Variants in PTPRQ observed in about 807,000 individuals in gnomAD.
PTPRQ encodes the protein protein tyrosine phosphatase receptor type Q.
In PTPRQ, 199 loss-of-function variants were observed where a neutral mutation model predicts 246.0. The observed-to-expected ratio is 0.81, with a 90% CI of 0.72 to 0.91. PTPRQ has a LOEUF of 0.91. Among genes scored for constraint, PTPRQ ranks in the 40% least tolerant of loss-of-function variants. The pLI, the probability that PTPRQ is intolerant of heterozygous loss-of-function variation, is 0.00. For synonymous variants in PTPRQ, 869 were observed against 853.2 expected (o/e 1.02, Z -0.32); for missense variants, 2,624 against 2,528.4 (o/e 1.04, Z -0.81).
At chr12:80,649,537 G>A (rs1162205582) in intron 36 of PTPRQ, 51 bp from the exon 37 acceptor site, 9 of 1,534,424 alleles carry the variant, frequency 5.9e-6, no homozygotes, top group Middle Eastern at 1.7e-4. Context: ...ATGCTAACGC[G>A]AACAAATACA....
At chr12:80,619,574 T>A in intron 31 of PTPRQ, 32 bp downstream of exon 31, 1 of 1,479,188 alleles carries the variant, frequency 6.8e-7, no homozygotes, top group Non-Finnish European at 9.0e-7. Context: ...TCTTGTTAAA[T>A]TGTGGAGTGT....
intron 17 of PTPRQ, among the ~76,000 whole-genome samples, chr12:80,516,347 G>A (rs1178817213): frequency 6.6e-6 from 1 of 152,112 alleles, no homozygotes; most frequent in Non-Finnish European, 1.5e-5. Flanking sequence ...GATGCTGAAA[G>A]TTCTAACTTA....
Position 80,603,483 on chromosome 12 carries a change from T to A in PTPRQ, c.4610-1576T>A, listed in dbSNP as rs1349161130. Among the ~76,000 whole-genome samples, 4 of 151,836 alleles carry A rather than the reference T, an allele frequency of 2.6e-5. No individual in the cohort carries two copies. In the East Asian group the frequency reaches 7.8e-4, roughly 30 times the overall value. On this transcript the variant is annotated intron_variant, in intron 26 of 44. Transcript: ENST00000644991. ...GGGCTTGTACATTTTTATTCCTCCA[T>A]AAATACTGGTCTCTCTGTGATAGTT...
Position 80,541,721 on chromosome 12 carries a change from G to C in PTPRQ, c.3321G>C (p.Glu1107Asp), listed in dbSNP as rs914661851. 2.7e-5 allele frequency: 42 copies of C among 1,551,302 alleles called. No individual in the cohort carries two copies. Among genetic ancestry groups the C allele is most frequent in the Non-Finnish European group, 3.5e-5 (40 of 1,146,734 alleles). The change falls in exon 21 of 45, where the codon GAG (glutamate) becomes GAC (aspartate). Residue 1107 changes from glutamate to aspartate, a missense_variant. Transcript: ENST00000644991. Reference protein sequence around the residue: ...RHVRPPLVTYERSIYFDNLEK... With the variant: ...RHVRPPLVTYDRSIYFDNLEK... ...TGAGACCACCTCTTGTTACATATGAGAGAAGCATATATTTTGATAATCTGG... is the reference window on the plus strand; with the variant it reads ...TGAGACCACCTCTTGTTACATATGACAGAAGCATATATTTTGATAATCTGG...
intron 38 of PTPRQ, among the ~76,000 whole-genome samples, chr12:80,657,295 A>G (rs2121246948): frequency 6.6e-6 from 1 of 152,020 alleles, no homozygotes; most frequent in African/African-American, 2.4e-5. Flanking sequence ...ATATTATGAG[A>G]CATCAATTTG....
intron 24 of PTPRQ, among the ~76,000 whole-genome samples, chr12:80,548,934 T>G (rs1189532761): frequency 1.3e-5 from 2 of 152,092 alleles, no homozygotes; most frequent in East Asian, 3.9e-4. Context: ...CTTCCAATGA[T>G]GTCTACAAAA....
intron 35 of PTPRQ, among the ~76,000 whole-genome samples, chr12:80,637,950 A>G (rs1470087356): frequency 6.6e-6 from 1 of 152,108 alleles, no homozygotes; most frequent in Non-Finnish European, 1.5e-5. Flanking sequence ...GCAGGAAAGA[A>G]CTTCCATAAT....
At chr12:80,515,856 G>A (rs1012582449) in intron 17 of PTPRQ, among the ~76,000 whole-genome samples, 2 of 151,790 alleles carry the variant, frequency 1.3e-5, no homozygotes, top group African/African-American at 4.8e-5. Context: ...ACTCATGAGG[G>A]TTAATGTGTA....
intron 41 of PTPRQ, among the ~76,000 whole-genome samples, 176 bp downstream of exon 41, chr12:80,669,640 T>G (rs1020007797): frequency 6.6e-6 from 1 of 152,040 alleles, no homozygotes; most frequent in African/African-American, 2.4e-5. Flanking sequence ...AGTATCAATG[T>G]CACTGTATTT....
At chr12:80,586,188 T>A (rs573086116) in intron 25 of PTPRQ, among the ~76,000 whole-genome samples, 1 of 151,752 alleles carries the variant, frequency 6.6e-6, no homozygotes, top group Non-Finnish European at 1.5e-5. Context: ...AATGCCGCAA[T>A]AAACACACAA....
intron 16 of PTPRQ, among the ~76,000 whole-genome samples, chr12:80,509,775 C>G (rs1223000980): frequency 6.6e-6 from 1 of 152,046 alleles, no homozygotes; most frequent in South Asian, 2.1e-4. Flanking sequence ...GTAAACCATT[C>G]AATTTTGAAG....
chr12:80,669,123 G>A lies in PTPRQ; in HGVS notation c.6309G>A (p.Gln2103=), dbSNP rs1189044844. The change falls in exon 40 of 45, where the codon CAG becomes CAA. Residue 2103 remains glutamine, a synonymous_variant. Transcript: ENST00000644991. Reference sequence around the variant, plus strand: ...CAAAAACATTAGTAATGCTAACACAGTGTTTTGAAAAAGGACGGGTAAGTT... The same window carrying A: ...CAAAAACATTAGTAATGCTAACACAATGTTTTGAAAAAGGACGGGTAAGTT... ...TRAKTLVMLT[Q]CFEKGRIRCH... is the part of the protein sequence containing the mutation. The A allele has an allele frequency of 6.5e-7, 1 of 1,546,498 alleles. No homozygotes were observed. The highest frequency in any genetic ancestry group is 1.4e-5 in the African/African-American group (1 of 72,648).
chr12:80,520,720 G>A (rs1041616993), intron 17 of PTPRQ, among the ~76,000 whole-genome samples: 45 of 151,590 alleles, frequency 3.0e-4, no homozygotes, highest in African/African-American at 9.0e-4. Flanking sequence ...ATAGTATTCC[G>A]TGGTGTATAT....
intron 25 of PTPRQ, among the ~76,000 whole-genome samples, chr12:80,558,168 C>CTTTTCTTTTCTTTTCTTTTCT (rs71094987): frequency 2.8e-4 from 10 of 35,238 alleles, no homozygotes; most frequent in East Asian, 1.4e-3. Flanking sequence ...CTTTTCTTTT[C>CTTTTCTTTTCTTTTCTTTTCT]TTTCTTTTCT....
chr12:80,636,372 A>G (rs1899649048), intron 35 of PTPRQ, among the ~76,000 whole-genome samples: 1 of 152,252 alleles, frequency 6.6e-6, no homozygotes, highest in Non-Finnish European at 1.5e-5. Flanking sequence ...AAACCATATC[A>G]TAGGAACACA....
rs934301468 is a variant in PTPRQ, at chr12:80,562,937, T to TA, written c.4285+13213dup. Among the ~76,000 whole-genome samples the TA allele has an allele frequency of 2.7e-3, 395 of 147,336 alleles. 3 individuals carry two copies. Among genetic ancestry groups the TA allele is most frequent in the African/African-American group, 8.5e-3 (343 of 40,276 alleles). On this transcript the variant is annotated intron_variant, in intron 25 of 44. Coordinates refer to ENST00000644991, the MANE Select transcript of PTPRQ (RefSeq NM_001145026.2). ...GAAACAAGTGCAGACACTGCAGACA[T>TA]AAAAAAAAAATAAGAGAATACTACA...
chr12:80,674,987 T>C (rs1901089822), intron 43 of PTPRQ, among the ~76,000 whole-genome samples: 1 of 152,268 alleles, frequency 6.6e-6, no homozygotes, highest in South Asian at 2.1e-4. Flanking sequence ...TAATCCACAG[T>C]CTCTTTGTAG....
At chr12:80,535,897 G>A (rs12322396) in intron 19 of PTPRQ, among the ~76,000 whole-genome samples, 2,957 of 152,254 alleles carry the variant, frequency 0.019, 115 homozygotes, top group African/African-American at 0.068. Context: ...CACAAGGTCA[G>A]GAGATCGAGA....
chr12:80,595,304 C>A (rs1480905631), intron 26 of PTPRQ, among the ~76,000 whole-genome samples: 1 of 152,026 alleles, frequency 6.6e-6, no homozygotes, highest in Admixed American at 6.6e-5. Flanking sequence ...GTCTTATGTA[C>A]CTTTCTGTCC....
Sources: gnomAD v4.1 joint callset for allele counts (sites outside exome capture counted in the v4.1 genomes callset) on GRCh38, gnomAD v4.1.1 for gene constraint, MANE v1.5 for transcripts, NCBI Gene and HGNC (gene_info 2026-07-23, HGNC 2026-07-21) for gene names.